Variants in MDFIC observed in about 807,000 individuals in gnomAD.
The protein encoded by MDFIC is myoD family inhibitor domain-containing protein.
A neutral mutation model predicts 23.2 loss-of-function variants in MDFIC; 17 were observed. That is an observed-to-expected ratio of 0.73 (90% CI 0.50 to 1.10). The LOEUF is 1.10. Ranked by LOEUF, MDFIC falls within the 50% of genes least tolerant of loss-of-function variation. The pLI is 0.00. For missense variants in MDFIC, 356 were observed against 316.6 expected (o/e 1.12, Z -0.95); for synonymous variants, 120 against 115.2 (o/e 1.04, Z -0.27).
intron 4 of MDFIC, among the ~76,000 whole-genome samples, chr7:115,008,120 A>G (rs1791609127): frequency 6.6e-6 from 1 of 152,084 alleles, no homozygotes; most frequent in African/African-American, 2.4e-5. Flanking sequence ...TATTTAATGA[A>G]TCAACCACAG....
intron 4 of MDFIC, among the ~76,000 whole-genome samples, chr7:114,998,077 ATTAT>A (rs1791378718): frequency 6.6e-6 from 1 of 152,206 alleles, no homozygotes; most frequent in South Asian, 2.1e-4. Context: ...ATTTCAAAAA[ATTAT>A]TTCTTAGTTA....
At chr7:115,009,848 G>C (rs1791645761) in intron 4 of MDFIC, among the ~76,000 whole-genome samples, 1 of 152,088 alleles carries the variant, frequency 6.6e-6, no homozygotes, top group African/African-American at 2.4e-5. Context: ...TCTCCTTTTA[G>C]CTACTTGGCT....
intron 4 of MDFIC, among the ~76,000 whole-genome samples, chr7:115,001,103 G>A (rs1467061689): frequency 6.6e-6 from 1 of 152,090 alleles, no homozygotes; most frequent in African/African-American, 2.4e-5. Context: ...GAGGTAATTA[G>A]AATAATAAAA....
intron 4 of MDFIC, among the ~76,000 whole-genome samples, chr7:114,981,906 C>G (rs1455337825): frequency 6.6e-6 from 1 of 152,034 alleles, no homozygotes; most frequent in Non-Finnish European, 1.5e-5. Flanking sequence ...TAATAAAAAC[C>G]AAAACCAAAA....
chr7:114,995,784 T>A lies in MDFIC; in HGVS notation c.493+16003T>A, dbSNP rs530168099. Among the ~76,000 whole-genome samples, 104 of 152,294 alleles carry A rather than the reference T, an allele frequency of 6.8e-4. 1 individual carries two copies. Among genetic ancestry groups the A allele is most frequent in the Non-Finnish European group, 1.0e-3 (71 of 68,016 alleles). The stretch of plus-strand genomic sequence containing the variant: ...GGGGGTGCCTCCCAGTTAGGCTACT[T>A]GGGGATCAGGGACCCACTTGAGGAG... On this transcript the variant is annotated intron_variant, in intron 4 of 4. Coordinates refer to ENST00000393486, the MANE Select transcript of MDFIC (RefSeq NM_001166345.3).
At position 115,018,292 on chromosome 7, in the gene MDFIC, G is replaced by A. The variant is rs1585126880; in HGVS notation, c.*2357G>A. ...TGAAACCTCCTAATGACCTGGAATT[G>A]TTAGAATATTTGACTTTTTATATGC... On this transcript the variant is annotated 3_prime_UTR_variant, in exon 5 of 5. Transcript: ENST00000393486. 6.6e-6 allele frequency: 1 copy of A among 151,950 alleles called. No individual in the cohort carries two copies. Among genetic ancestry groups the A allele is most frequent in the Admixed American group, 6.6e-5 (1 of 15,256 alleles). 9.4% of individuals were successfully genotyped at this position (151,950 alleles called of 1,614,324 possible).
chr7:115,015,821 G>A lies in MDFIC; in HGVS notation c.627G>A (p.Gly209=), dbSNP rs762099518. 10 of 1,614,074 alleles carry A rather than the reference G, an allele frequency of 6.2e-6. No homozygotes were observed. The African/African-American group carries it at 8.0e-5, about 13-fold the overall frequency. Residue 209 remains glycine (G), a synonymous_variant, in exon 5 of 5, where the codon GGG becomes GGA. Transcript: ENST00000393486. The part of the protein sequence containing the change: ...ACCCCCGDEM[G]DDCNCPCDMD... ...GCTGTTGCTGTGGTGACGAGATGGG[G>A]GATGATTGTAACTGCCCTTGTGATA...
chr7:114,990,695 T>G (rs190510500), intron 4 of MDFIC, among the ~76,000 whole-genome samples: 128 of 152,364 alleles, frequency 8.4e-4, no homozygotes, highest in African/African-American at 3.0e-3. Flanking sequence ...TTTTTATGGC[T>G]GCATAGTATT....
At chr7:114,995,633 A>G (rs1468539280) in intron 4 of MDFIC, among the ~76,000 whole-genome samples, 2 of 152,184 alleles carry the variant, frequency 1.3e-5, no homozygotes, top group East Asian at 1.9e-4. Flanking sequence ...TTGCCTGGGT[A>G]TCAGCAGTGG....
chr7:114,981,234 C>T (rs775796227), intron 4 of MDFIC, among the ~76,000 whole-genome samples: 1 of 152,176 alleles, frequency 6.6e-6, no homozygotes, highest in African/African-American at 2.4e-5. Context: ...TCTTATTTTC[C>T]ATTTGATATT....
intron 4 of MDFIC, among the ~76,000 whole-genome samples, chr7:115,009,506 C>T (rs1791639171): frequency 6.6e-6 from 1 of 152,176 alleles, no homozygotes; most frequent in African/African-American, 2.4e-5. Flanking sequence ...TGGCCACATA[C>T]TGATCAGGTA....
rs574962613 is a variant in MDFIC at position 114,943,904 on chromosome 7, A to C, written c.217+1507A>C. The stretch of plus-strand genomic sequence containing the variant: ...CTTTTCCTAGGGCCCACAATAGGAA[A>C]ATGTGAATAAGATTTCTTAGAACAA... On this transcript the variant is annotated intron_variant, in intron 3 of 4. Coordinates refer to ENST00000393486, the MANE Select transcript of MDFIC (RefSeq NM_001166345.3). Among the ~76,000 whole-genome samples, 109 of 152,282 alleles carry C rather than the reference A, an allele frequency of 7.2e-4. 1 individual carries two copies. The highest frequency in any genetic ancestry group is 2.4e-3 in the African/African-American group (101 of 41,550).
rs190055132 is a variant in MDFIC, at chr7:114,949,100, C to A, written c.217+6703C>A. 4.7e-3 allele frequency among the ~76,000 whole-genome samples: 721 copies of A among 152,254 alleles called. 4 individuals carry two copies. Among genetic ancestry groups the A allele is most frequent in the Non-Finnish European group, 7.9e-3 (535 of 68,004 alleles). On this transcript the variant is annotated intron_variant, in intron 3 of 4. Coordinates refer to ENST00000393486, the MANE Select transcript of MDFIC (RefSeq NM_001166345.3). Reference sequence around the variant, plus strand: ...GTTGTTATTATTGTCTTATTATTATCATTAATATCATTATTCTAATTTATT... The same window carrying A: ...GTTGTTATTATTGTCTTATTATTATAATTAATATCATTATTCTAATTTATT...
intron 4 of MDFIC, among the ~76,000 whole-genome samples, chr7:114,986,310 G>C (rs529551447): frequency 4.1e-4 from 63 of 152,058 alleles, no homozygotes; most frequent in Non-Finnish European, 7.5e-4. Flanking sequence ...TAACTGAGGA[G>C]TTTTTCAGAA....
chr7:114,923,138 G>A lies in MDFIC; in HGVS notation c.94+11G>A. ...GCTCCACAGCCCAGGGTGAGTGCGC[G>A]CTTGCAAGTGGCAAGCTTCTTTGTC... On this transcript the variant is annotated intron_variant, in intron 2 of 4. Transcript: ENST00000393486. 6.6e-7 allele frequency: 1 copy of A among 1,524,952 alleles called. No homozygotes were observed. The highest frequency in any genetic ancestry group is 8.8e-7 in the Non-Finnish European group (1 of 1,140,740). The allele number at this position is 1,524,952 out of a possible 1,614,324, so 94.5% of individuals were successfully genotyped here. A position where few individuals can be genotyped will look rare whatever the true frequency, so the allele number is the denominator to read the frequency against.
intron 2 of MDFIC, among the ~76,000 whole-genome samples, chr7:114,938,508 G>T (rs372886435): frequency 1.2e-3 from 189 of 152,144 alleles, no homozygotes; most frequent in African/African-American, 4.3e-3. Context: ...TGACATCACT[G>T]CCCCAGCCCC....
intron 3 of MDFIC, among the ~76,000 whole-genome samples, chr7:114,967,709 C>G (rs1227289940): frequency 6.6e-6 from 1 of 151,868 alleles, no homozygotes; most frequent in African/African-American, 2.4e-5. Flanking sequence ...GTATTTAAGT[C>G]GGTTTGCAGC....
intron 4 of MDFIC, among the ~76,000 whole-genome samples, chr7:115,006,440 C>CTCATCA (rs564475573): frequency 5.9e-5 from 9 of 152,046 alleles, no homozygotes; most frequent in East Asian, 1.9e-4. Flanking sequence ...TGTTATTTTA[C>CTCATCA]TCATCATCAT....
chr7:114,932,654 C>T (rs1792336056), intron 2 of MDFIC, among the ~76,000 whole-genome samples: 1 of 152,154 alleles, frequency 6.6e-6, no homozygotes, highest in Non-Finnish European at 1.5e-5. Flanking sequence ...GTTGATGAGA[C>T]TGCAAAGATG....
Sources: gnomAD v4.1 joint callset for allele counts (sites outside exome capture counted in the v4.1 genomes callset) on GRCh38, gnomAD v4.1.1 for gene constraint, MANE v1.5 for transcripts, NCBI Gene and HGNC (gene_info 2026-07-23, HGNC 2026-07-21) for gene names.